UGT1A6: variants seen among roughly 807,000 people sequenced by gnomAD.
UGT1A6 encodes UDP-glucuronosyltransferase 1A6.
A neutral mutation model predicts 44.4 loss-of-function variants in UGT1A6; 32 were observed. That is an observed-to-expected ratio of 0.72 (90% confidence interval 0.54 to 0.97). UGT1A6 has a LOEUF of 0.97. Among genes scored for constraint, UGT1A6 ranks in the 50% least tolerant of loss-of-function variants. UGT1A6 has a pLI of 0.00. For missense variants in UGT1A6, 685 were observed against 661.9 expected (o/e 1.03, Z -0.38); for synonymous variants, 238 against 248.5 (o/e 0.96, Z 0.40).
intron 1 of UGT1A6, among the ~76,000 whole-genome samples, chr2:233,697,058 G>C (rs1287604858): frequency 6.6e-6 from 1 of 151,826 alleles, no homozygotes; most frequent in Non-Finnish European, 1.5e-5. Flanking sequence ...TTGTGTCCTT[G>C]TCTGGTTTTG....
At chr2:233,713,396 G>A in intron 1 of UGT1A6, 1 of 1,614,032 alleles carries the variant, frequency 6.2e-7, no homozygotes, top group Non-Finnish European at 8.5e-7. Context: ...TGCATAATGA[G>A]GCCCTGATCA....
intron 1 of UGT1A6, among the ~76,000 whole-genome samples, chr2:233,721,033 A>G (rs1484813936): frequency 6.6e-6 from 1 of 152,106 alleles, no homozygotes; most frequent in Non-Finnish European, 1.5e-5. Flanking sequence ...TTCTTGTGAG[A>G]GAATTGAGCC....
At chr2:233,721,653 G>C in intron 1 of UGT1A6, 1 of 213,974 alleles carries the variant, frequency 4.7e-6, no homozygotes, top group Non-Finnish European at 9.6e-6. Flanking sequence ...GGCAGTGGGG[G>C]GTCATGTAAG....
At chr2:233,743,297 T>C in intron 1 of UGT1A6, 1 of 557,200 alleles carries the variant, frequency 1.8e-6, no homozygotes, top group South Asian at 1.6e-5. Context: ...TTCTCAATGA[T>C]TCTCTTGGTG....
chr2:233,772,314 G>C lies in UGT1A6; in HGVS notation c.1354G>C (p.Glu452Gln), dbSNP rs1312404188. 1.9e-6 allele frequency: 3 copies of C among 1,614,222 alleles called. No homozygotes were observed. In the East Asian group the frequency reaches 6.7e-5, roughly 36 times the overall value. The change falls in exon 5 of 5, where the codon GAG becomes CAG. Residue 452 changes from glutamate (E) to glutamine (Q), a missense_variant. Coordinates refer to ENST00000305139, the MANE Select transcript of UGT1A6 (RefSeq NM_001072.4). ...LSSLHKDRPV[E>Q]PLDLAVFWVE... Reference sequence around the variant, plus strand: ...CAGCCTTCACAAGGACCGCCCGGTGGAGCCGCTGGACCTGGCCGTGTTCTG... The same window carrying C: ...CAGCCTTCACAAGGACCGCCCGGTGCAGCCGCTGGACCTGGCCGTGTTCTG...
intron 1 of UGT1A6, among the ~76,000 whole-genome samples, chr2:233,708,034 T>C (rs1391867324): frequency 2.6e-5 from 4 of 152,230 alleles, no homozygotes; most frequent in Non-Finnish European, 5.9e-5. Flanking sequence ...TTGGCAGTTA[T>C]AGATATTGCA....
intron 1 of UGT1A6, chr2:233,747,968 A>G: frequency 6.2e-7 from 1 of 1,613,402 alleles, no homozygotes; most frequent in African/African-American, 1.3e-5. Context: ...TCAGCCATGC[A>G]TCTGTGTGGC....
chr2:233,747,484 G>C (rs796155377), intron 1 of UGT1A6: 4 of 1,608,658 alleles, frequency 2.5e-6, no homozygotes, highest in Middle Eastern at 1.7e-4. Flanking sequence ...GAATTTGATC[G>C]CCTTGTGCTG....
intron 1 of UGT1A6, among the ~76,000 whole-genome samples, chr2:233,728,297 G>C (rs1288771373): frequency 6.6e-6 from 1 of 152,214 alleles, no homozygotes; most frequent in Non-Finnish European, 1.5e-5. Context: ...GAGGAATTCA[G>C]ACTGTGCAAG....
At chr2:233,712,073 A>G (rs2076213454) in intron 1 of UGT1A6, among the ~76,000 whole-genome samples, 2 of 152,256 alleles carry the variant, frequency 1.3e-5, no homozygotes, top group African/African-American at 4.8e-5. Context: ...TCAGGATGAA[A>G]TAAAGGCCTG....
At chr2:233,759,773 G>A (rs1199686536) in intron 1 of UGT1A6, among the ~76,000 whole-genome samples, 1 of 152,142 alleles carries the variant, frequency 6.6e-6, no homozygotes, top group African/African-American at 2.4e-5. Context: ...AATATTGTTG[G>A]ACGAAGGAAT....
chr2:233,761,024 A>T, intron 1 of UGT1A6: 1 of 1,614,070 alleles, frequency 6.2e-7, no homozygotes, highest in Non-Finnish European at 8.5e-7. Context: ...ACTGTCCAGG[A>T]CCTATTGAGC....
intron 1 of UGT1A6, among the ~76,000 whole-genome samples, chr2:233,697,557 G>A (rs1418823193): frequency 2.0e-5 from 3 of 146,378 alleles, no homozygotes; most frequent in African/African-American, 7.6e-5. Context: ...TGTTTATTTA[G>A]CCTCAATTTA....
At chr2:233,709,432 G>A (rs2076076641) in intron 1 of UGT1A6, among the ~76,000 whole-genome samples, 1 of 152,082 alleles carries the variant, frequency 6.6e-6, no homozygotes, top group African/African-American at 2.4e-5. Context: ...CCTCCAGAAA[G>A]GATGACCTGC....
chr2:233,739,654 C>T (rs1048629610), intron 1 of UGT1A6, among the ~76,000 whole-genome samples: 2 of 152,192 alleles, frequency 1.3e-5, no homozygotes, highest in South Asian at 4.1e-4. Flanking sequence ...AATTTCTGTA[C>T]CCCCATTGTG....
chr2:233,733,638 G>C (rs913820039), intron 1 of UGT1A6, among the ~76,000 whole-genome samples: 1 of 152,200 alleles, frequency 6.6e-6, no homozygotes, highest in African/African-American at 2.4e-5. Flanking sequence ...AACCAGCCTT[G>C]CATCCCAAGG....
chr2:233,703,550 C>T (rs2075742983), intron 1 of UGT1A6, among the ~76,000 whole-genome samples: 1 of 151,874 alleles, frequency 6.6e-6, no homozygotes, highest in Admixed American at 6.6e-5. Flanking sequence ...CACTTTATTG[C>T]TAGTAATATT....
intron 1 of UGT1A6, among the ~76,000 whole-genome samples, chr2:233,711,089 T>C (rs2076163028): frequency 6.6e-6 from 1 of 152,208 alleles, no homozygotes; most frequent in African/African-American, 2.4e-5. Flanking sequence ...TCCAAGTCTA[T>C]CTGTGCAGCC....
chr2:233,762,716 G>A (rs1165030295), intron 1 of UGT1A6, among the ~76,000 whole-genome samples: 4 of 149,682 alleles, frequency 2.7e-5, no homozygotes, highest in African/African-American at 7.3e-5. Flanking sequence ...TATTTTACAC[G>A]GTTTTTTTTT....
Sources: gnomAD v4.1 joint callset for allele counts (sites outside exome capture counted in the v4.1 genomes callset) on GRCh38, gnomAD v4.1.1 for gene constraint, MANE v1.5 for transcripts, NCBI Gene and HGNC (gene_info 2026-07-23, HGNC 2026-07-21) for gene names.